AATK: variants seen among roughly 807,000 people sequenced by gnomAD.
AATK encodes lemur tail kinase 1.
A neutral mutation model predicts 114.3 loss-of-function variants in AATK; 91 were observed. That is an observed-to-expected ratio of 0.80 (90% CI 0.67 to 0.95). AATK has a LOEUF of 0.95. Ranked by LOEUF, AATK falls within the 40% of genes least tolerant of loss-of-function variation. AATK has a pLI of 0.00. For missense variants in AATK, 2,176 were observed against 1,965.2 expected (o/e 1.11, Z -2.03); for synonymous variants, 1,075 against 916.5 (o/e 1.17, Z -3.12).
intron 7 of AATK, chr17:81,125,923 C>T: frequency 2.1e-6 from 1 of 477,278 alleles, no homozygotes; most frequent in Non-Finnish European, 4.3e-6. Context: ...CCTGAGTCAT[C>T]ACTCAGCACC....
At chr17:81,137,631 C>T (rs1031296331) in intron 1 of AATK, among the ~76,000 whole-genome samples, 3 of 152,146 alleles carry the variant, frequency 2.0e-5, no homozygotes, top group African/African-American at 7.2e-5. Flanking sequence ...GCCCTGGGAA[C>T]CATGACACTT....
chr17:81,133,426 G>C (rs1172845817), intron 2 of AATK: 3 of 326,166 alleles, frequency 9.2e-6, no homozygotes, highest in South Asian at 6.5e-5. Context: ...CACTTAGTAG[G>C]AAGGCACCCT....
At chr17:81,138,445 A>T (rs2061059401) in intron 1 of AATK, among the ~76,000 whole-genome samples, 1 of 81,988 alleles carries the variant, frequency 1.2e-5, no homozygotes, top group South Asian at 5.4e-4. Flanking sequence ...ACACACCCAC[A>T]GATGCATGTG....
chr17:81,141,932 C>CTTCCTTCCT (rs1555597556), intron 1 of AATK, among the ~76,000 whole-genome samples: 12 of 67,616 alleles, frequency 1.8e-4, no homozygotes, highest in African/African-American at 5.8e-4. Context: ...TCCTTCCTTC[C>CTTCCTTCCT]TTCCTTCCTT....
intron 1 of AATK, among the ~76,000 whole-genome samples, chr17:81,148,559 C>T (rs570945775): frequency 1.9e-4 from 29 of 152,356 alleles, no homozygotes; most frequent in African/African-American, 6.7e-4. Context: ...ACACATGGCT[C>T]CGGGATGAGG....
At chr17:81,123,130 T>C in intron 10 of AATK, 64 bp downstream of exon 10, 1 of 1,373,460 alleles carries the variant, frequency 7.3e-7, no homozygotes, top group Non-Finnish European at 9.4e-7. Context: ...GAGCCGCCTC[T>C]GCCTGGGGAT....
At chr17:81,141,754 G>A (rs2061141061) in intron 1 of AATK, among the ~76,000 whole-genome samples, 1 of 152,242 alleles carries the variant, frequency 6.6e-6, no homozygotes, top group Admixed American at 6.5e-5. Flanking sequence ...CTGGTCCCAA[G>A]GTGGGGTGGT....
chr17:81,142,681 C>T (rs1221653441), intron 1 of AATK, among the ~76,000 whole-genome samples: 1 of 152,144 alleles, frequency 6.6e-6, no homozygotes, highest in African/African-American at 2.4e-5. Flanking sequence ...GGTGGAGACA[C>T]CCCCACAACA....
intron 1 of AATK, among the ~76,000 whole-genome samples, chr17:81,157,724 G>C (rs1392452098): frequency 6.6e-6 from 1 of 152,210 alleles, no homozygotes; most frequent in Admixed American, 6.5e-5. Context: ...TGGTCCAAGG[G>C]TGGGAAGGGC....
In AATK at chr17:81,134,445, A is replaced by G. The variant is rs1194448090; in HGVS notation, c.112T>C (p.Ser38Pro). 1 of 1,613,130 alleles carries G rather than the reference A, an allele frequency of 6.2e-7. No individual in the cohort carries two copies. Among genetic ancestry groups the G allele is most frequent in the Non-Finnish European group, 8.5e-7 (1 of 1,179,794 alleles). The change falls in exon 2 of 14, where the codon TCT (serine) becomes CCT (proline). Residue 38 changes from serine (S) to proline (P), a missense_variant. Ser to Pro is a moderately conservative substitution (Grantham distance 74, BLOSUM62 -1). This residue lies in a region of AATK where 178 missense variants were observed against 175.4 expected (regional missense o/e 1.01). Transcript: ENST00000326724. ...WPSSLAVVAV[S>P]FSGLFAVIVL... ...ATGACGGCGAAGAGCCCGGAGAAAG[A>G]CACAGCCACCACGGCGAGGGAGGAT... is the stretch of plus-strand genomic sequence containing the variant.
intron 11 of AATK, 21 bp from the exon 12 acceptor site, chr17:81,120,104 C>T (rs780479673): frequency 2.9e-5 from 42 of 1,464,702 alleles, no homozygotes; most frequent in Non-Finnish European, 3.7e-5. Context: ...CAGAGAGCAC[C>T]AGGTAGCTCG....
rs2060590490 is a variant in AATK at position 81,118,113 on chromosome 17, AGTGT to A, written c.*285_*288del. The A allele has an allele frequency of 5.2e-6, 2 of 385,094 alleles. No individual in the cohort carries two copies. The highest frequency in any genetic ancestry group is 4.2e-5 in the East Asian group (1 of 23,866). The allele number at this position is 385,094 out of a possible 1,614,324, so 23.9% of individuals were successfully genotyped here. ...TGCCCAGGGGCACTGGCCCCTTTTG[AGTGT>A]GTATGTGTGTACAGACACCCACTGT... On this transcript the variant is annotated 3_prime_UTR_variant, in exon 14 of 14. Transcript: ENST00000326724.
chr17:81,140,939 GGCCGTGAGCCGTGGGGACCGTGA>G, intron 1 of AATK, among the ~76,000 whole-genome samples: 1 of 147,182 alleles, frequency 6.8e-6, no homozygotes, highest in African/African-American at 2.6e-5. Flanking sequence ...GGGACCATGG[GGCCGTGAGCCGTGGGGACCGTGA>G]GCCGTGGGGC....
Position 81,117,418 on chromosome 17 carries a change from C to CTCTT in AATK, c.*980_*983dup, listed in dbSNP as rs1405190145. ...TGCGAAGCAACAATAAACTTTACAT[C>CTCTT]TCTTTGGCAACAATAACTTAAAATC... is the stretch of plus-strand genomic sequence containing the variant. On this transcript the variant is annotated 3_prime_UTR_variant, in exon 14 of 14. Coordinates refer to ENST00000326724, the MANE Select transcript of AATK (RefSeq NM_001080395.3). The CTCTT allele has an allele frequency of 6.6e-6, 1 of 152,334 alleles. No individual in the cohort carries two copies. The highest frequency in any genetic ancestry group is 1.5e-5 in the Non-Finnish European group (1 of 68,066). 9.4% of individuals were successfully genotyped at this position (152,334 alleles called of 1,614,324 possible).
In AATK at chr17:81,148,854, T is replaced by C. The variant is rs530000405; in HGVS notation, c.56-14353A>G. Among the ~76,000 whole-genome samples, 3 of 152,314 alleles carry C rather than the reference T, an allele frequency of 2.0e-5. No homozygotes were observed. In the South Asian group the frequency reaches 6.2e-4, roughly 32 times the overall value. On this transcript the variant is annotated intron_variant, in intron 1 of 13. Transcript: ENST00000326724. ...CCCTTGCCTGTGTCCACAGTCCTGC[T>C]CTGAGCCAGCGGGGCCTACCCGAGT...
chr17:81,139,381 A>G (rs983832372), intron 1 of AATK, among the ~76,000 whole-genome samples: 1 of 152,196 alleles, frequency 6.6e-6, no homozygotes, highest in African/African-American at 2.4e-5. Flanking sequence ...CCCAAATACG[A>G]GAAGGGGTAC....
rs772785830 is a variant in AATK, at chr17:81,124,759, G to A, written c.930C>T (p.Leu310=). 2.0e-5 allele frequency: 32 copies of A among 1,612,900 alleles called. No homozygotes were observed. The highest frequency in any genetic ancestry group is 6.6e-5 in the South Asian group (6 of 91,088). The change falls in exon 9 of 14, where the codon CTC becomes CTT. Residue 310 remains leucine, a synonymous_variant. Transcript: ENST00000326724. Reference sequence around the variant, plus strand: ...TCCCGCTCTTGGTCTGGTCCACGACGAGCAGGTTGCTATGCACCTCGTCCA... The same window carrying A: ...TCCCGCTCTTGGTCTGGTCCACGACAAGCAGGTTGCTATGCACCTCGTCCA... The part of the protein sequence containing the change: ...ELVDEVHSNL[L]VVDQTKSGNV...
chr17:81,144,748 T>C (rs1332972261), intron 1 of AATK, among the ~76,000 whole-genome samples: 4 of 152,220 alleles, frequency 2.6e-5, no homozygotes, highest in Non-Finnish European at 4.4e-5. Context: ...AGCGTGCTGG[T>C]GCCCATTAAA....
intron 1 of AATK, among the ~76,000 whole-genome samples, chr17:81,154,319 C>CTTTTTTTTTTTTTTTTT (rs202002919): frequency 1.8e-5 from 2 of 113,806 alleles, no homozygotes; most frequent in African/African-American, 3.6e-5. Flanking sequence ...TTTTTTCTTT[C>CTTTTTTTTTTTTTTTTT]TTTTTTTTTT....
Sources: allele counts gnomAD v4.1 joint callset (sites outside exome capture counted in the v4.1 genomes callset), GRCh38; gene constraint gnomAD v4.1.1; regional missense constraint gnomAD v4.1.1; transcripts MANE v1.5; gene names NCBI Gene and HGNC (gene_info 2026-07-23, HGNC 2026-07-21).